Variants in PCDHGB3 observed in about 807,000 individuals in gnomAD.
PCDHGB3 encodes protocadherin gamma-B3.
PCDHGB3 carries 40 observed loss-of-function variants against 59.2 expected under a neutral mutation model. The ratio of observed to expected loss-of-function variants is 0.68; its 90% CI spans 0.52 to 0.88. PCDHGB3 has a LOEUF of 0.88. Ranked by LOEUF, PCDHGB3 falls within the 40% of genes least tolerant of loss-of-function variation. PCDHGB3 has a pLI of 0.00. For missense variants in PCDHGB3, 1,309 were observed against 1,187.9 expected (o/e 1.10, Z -1.50); for synonymous variants, 581 against 503.6 (o/e 1.15, Z -2.06).
intron 1 of PCDHGB3, chr5:141,383,554 G>A (rs773842723): frequency 1.9e-6 from 3 of 1,612,524 alleles, no homozygotes; most frequent in Non-Finnish European, 2.5e-6. Context: ...TGATGGCGGC[G>A]ACCCGCCCCG....
At chr5:141,383,962 T>C in intron 1 of PCDHGB3, 2 of 1,613,460 alleles carry the variant, frequency 1.2e-6, no homozygotes, top group Non-Finnish European at 1.7e-6. Flanking sequence ...TTTAAGTAGC[T>C]CAATCCCTGA....
At position 141,485,299 on chromosome 5, in the gene PCDHGB3, G is replaced by A; in HGVS notation, c.2416-9508G>A. On this transcript the variant is annotated intron_variant, in intron 1 of 3. Coordinates refer to ENST00000576222, the MANE Select transcript of PCDHGB3 (RefSeq NM_018924.5). The surrounding 1 kb of genome is among the most constrained non-coding windows in gnomAD (Gnocchi z 5.7). ...CGGTCCCAGAGGAGTCACAGGAAGG[G>A]ACTTTTGTAGGGAATGTCGCTCAAG... 1 of 1,614,180 alleles carries A rather than the reference G, an allele frequency of 6.2e-7. No individual in the cohort carries two copies. Among genetic ancestry groups the A allele is most frequent in the Non-Finnish European group, 8.5e-7 (1 of 1,180,012 alleles).
At chr5:141,497,464 T>C (rs1277760390) in intron 2 of PCDHGB3, among the ~76,000 whole-genome samples, 1 of 151,764 alleles carries the variant, frequency 6.6e-6, no homozygotes, top group Admixed American at 6.6e-5. Context: ...CTTGGAGATA[T>C]GGAGGAGAAG....
chr5:141,380,347 T>G (rs1408007452), intron 1 of PCDHGB3, among the ~76,000 whole-genome samples: 1 of 152,204 alleles, frequency 6.6e-6, no homozygotes, highest in Non-Finnish European at 1.5e-5. Context: ...AACTGTTTTG[T>G]TGTTTGTTTT....
At chr5:141,505,564 G>GGATGTCAAACCTGTGTAGTTTCTCCA in intron 3 of PCDHGB3, 83 bp downstream of exon 3, 1 of 1,603,196 alleles carries the variant, frequency 6.2e-7, no homozygotes, top group Non-Finnish European at 8.5e-7. Context: ...CCCACGGACT[G>GGATGTCAAACCTGTGTAGTTTCTCCA]GATGTCAAAC....
chr5:141,432,692 G>A lies in PCDHGB3; in HGVS notation c.2415+59883G>A. The A allele has an allele frequency of 6.2e-7, 1 of 1,613,964 alleles. No homozygotes were observed. Among genetic ancestry groups the A allele is most frequent in the Non-Finnish European group, 8.5e-7 (1 of 1,179,978 alleles). On this transcript the variant is annotated intron_variant, in intron 1 of 3. Transcript: ENST00000576222. The surrounding 1 kb of genome is among the most constrained non-coding windows in gnomAD (Gnocchi z 6.0). ...CGCGCTCAAGCAGAGCCTCGTAGTG[G>A]CCGTCCAGGACCACGGCCAGCCCCC...
chr5:141,387,866 G>A, intron 1 of PCDHGB3: 2 of 1,590,640 alleles, frequency 1.3e-6, no homozygotes, highest in South Asian at 1.1e-5. Context: ...TGGTGAGCAA[G>A]CTGAGGAGAG....
chr5:141,466,016 G>A (rs1592991828), intron 1 of PCDHGB3, among the ~76,000 whole-genome samples: 2 of 152,032 alleles, frequency 1.3e-5, no homozygotes, highest in East Asian at 3.9e-4. Flanking sequence ...CAGCTACTCG[G>A]GAGGGTGAGG....
chr5:141,464,680 A>T (rs747974832), intron 1 of PCDHGB3, among the ~76,000 whole-genome samples: 1 of 152,144 alleles, frequency 6.6e-6, no homozygotes, highest in African/African-American at 2.4e-5. Context: ...TTTTAATTAA[A>T]ATTTCTCTTA....
Position 141,485,814 on chromosome 5 carries a change from C to T in PCDHGB3, c.2416-8993C>T, listed in dbSNP as rs2099619616. 7.4e-6 allele frequency: 12 copies of T among 1,613,982 alleles called. No individual in the cohort carries two copies. The East Asian group carries it at 2.2e-4, about 30-fold the overall frequency. On this transcript the variant is annotated intron_variant, in intron 1 of 3. Coordinates refer to ENST00000576222, the MANE Select transcript of PCDHGB3 (RefSeq NM_018924.5). This position sits in a 1 kb window ranked among gnomAD's most constrained non-coding sequence, Gnocchi z 5.7. ...TCGGACTACCGCCTGGTGCTGACTG[C>T]TGTCGATGGAGGGAACCCGCCGAGA...
Position 141,419,013 on chromosome 5 carries a change from G to C in PCDHGB3, c.2415+46204G>C, listed in dbSNP as rs746229802. The C allele has an allele frequency of 6.9e-5, 111 of 1,613,840 alleles. No individual in the cohort carries two copies. In the East Asian group the frequency reaches 2.4e-3, roughly 35 times the overall value. ...GGGGAAAATGGGGAAGTCAGGTGTA[G>C]CTTAAGTAGAGGTGTTCCATTTAAG... is the stretch of plus-strand genomic sequence containing the variant. On this transcript the variant is annotated intron_variant, in intron 1 of 3. Transcript: ENST00000576222.
chr5:141,505,596 T>G (rs2099846990), intron 3 of PCDHGB3, 115 bp downstream of exon 3: 1 of 1,562,168 alleles, frequency 6.4e-7, no homozygotes, highest in African/African-American at 1.4e-5. Context: ...CTCCAGATCT[T>G]TCGGCAGGTC....
chr5:141,431,002 C>A lies in PCDHGB3; in HGVS notation c.2415+58193C>A, dbSNP rs1055964066. The A allele has an allele frequency of 6.2e-7, 1 of 1,613,836 alleles. No individual in the cohort carries two copies. Among genetic ancestry groups the A allele is most frequent in the Admixed American group, 1.7e-5 (1 of 59,990 alleles). The stretch of plus-strand genomic sequence containing the variant: ...AGCTTTTCGCCCTGAATCCGCGCAG[C>A]GGCAGCTTGGTCACGGCGGGCAGGA... On this transcript the variant is annotated intron_variant, in intron 1 of 3. Transcript: ENST00000576222. The surrounding 1 kb of genome is among the most constrained non-coding windows in gnomAD (Gnocchi z 4.8).
chr5:141,427,936 G>A, intron 1 of PCDHGB3: 1 of 1,584,966 alleles, frequency 6.3e-7, no homozygotes, highest in Admixed American at 1.7e-5. Context: ...ATGTTGGTGG[G>A]CGACCTCAAT....
At chr5:141,413,677 G>C (rs539552615) in intron 1 of PCDHGB3, 1 of 1,613,794 alleles carries the variant, frequency 6.2e-7, no homozygotes, top group South Asian at 1.1e-5. Context: ...GGATGTGGGC[G>C]TGAACTCCCT....
At position 141,432,247 on chromosome 5, in the gene PCDHGB3, C is replaced by G. The variant is rs139910620; in HGVS notation, c.2415+59438C>G. 61 of 1,614,264 alleles carry G rather than the reference C, an allele frequency of 3.8e-5. No homozygotes were observed. The African/African-American group carries it at 6.3e-4, about 17-fold the overall frequency. On this transcript the variant is annotated intron_variant, in intron 1 of 3. Transcript: ENST00000576222. The surrounding 1 kb of genome is among the most constrained non-coding windows in gnomAD (Gnocchi z 6.0). ...CTTATTCCCTGGCTGAGAACACCAT[C>G]CAAGGGGCAAGCCTATCGTCCTACG...
intron 1 of PCDHGB3, chr5:141,419,448 TC>T: frequency 6.2e-7 from 1 of 1,612,980 alleles, no homozygotes; most frequent in Non-Finnish European, 8.5e-7. Context: ...ACCTTCGAGC[TC>T]ACGCTGCAGG....
intron 1 of PCDHGB3, chr5:141,412,426 A>G (rs1051574976): frequency 2.6e-5 from 4 of 152,234 alleles, no homozygotes; most frequent in African/African-American, 9.6e-5. Context: ...GTTTTACACA[A>G]AAAGGTTAAT....
rs369227893 is a variant in PCDHGB3, at chr5:141,419,063, T to A, written c.2415+46254T>A. 47 of 1,613,840 alleles carry A rather than the reference T, an allele frequency of 2.9e-5. No homozygotes were observed. The highest frequency in any genetic ancestry group is 4.0e-5 in the Non-Finnish European group (47 of 1,179,904). On this transcript the variant is annotated intron_variant, in intron 1 of 3. Coordinates refer to ENST00000576222, the MANE Select transcript of PCDHGB3 (RefSeq NM_018924.5). ...GATTCATTCTTCTTCTAATAATTACTACAAGCTAGTAACAGATGAGGCCCT... is the reference window on the plus strand; with the variant it reads ...GATTCATTCTTCTTCTAATAATTACAACAAGCTAGTAACAGATGAGGCCCT...
Sources: gnomAD v4.1 joint callset for allele counts (sites outside exome capture counted in the v4.1 genomes callset) on GRCh38, gnomAD v4.1.1 for gene constraint, Gnocchi (gnomAD v3.1) non-coding constraint, MANE v1.5 for transcripts, NCBI Gene and HGNC (gene_info 2026-07-23, HGNC 2026-07-21) for gene names.